The following NDUFAF6 variants were observed in gnomAD, a reference collection of about 807,000 sequenced individuals.
NDUFAF6 encodes the protein NADH:ubiquinone oxidoreductase complex assembly factor 6, also known as NADH dehydrogenase (ubiquinone) complex I, assembly factor 6.
Under a neutral mutation model 40.8 loss-of-function variants are expected in NDUFAF6, and 45 were observed. The observed-to-expected ratio is 1.10, with a 90% CI of 0.87 to 1.42. NDUFAF6 has a LOEUF of 1.42. Ranked by LOEUF, NDUFAF6 falls within the 40% of genes most tolerant of loss-of-function variation. The pLI is 0.00. For synonymous variants in NDUFAF6, 185 were observed against 155.9 expected (o/e 1.19, Z -1.39); for missense variants, 435 against 418.5 (o/e 1.04, Z -0.34).
intron 9 of NDUFAF6, among the ~76,000 whole-genome samples, chr8:95,064,038 ATTTTTT>A (rs1160777112): frequency 6.2e-3 from 653 of 104,800 alleles, no homozygotes; most frequent in African/African-American, 0.021. Context: ...CGCCTGGCTA[ATTTTTT>A]TTTTTTTTTT....
intron 2 of NDUFAF6, among the ~76,000 whole-genome samples, chr8:95,086,786 G>A (rs1809060994): frequency 6.6e-6 from 1 of 151,866 alleles, no homozygotes; most frequent in Admixed American, 6.6e-5. Context: ...TGTATTTTTA[G>A]TAGAGACGGG....
chr8:95,114,286 G>C (rs1040418206), intron 4 of NDUFAF6, among the ~76,000 whole-genome samples: 14 of 152,190 alleles, frequency 9.2e-5, no homozygotes, highest in African/African-American at 3.1e-4. Context: ...CTTAGCCAGA[G>C]GCATGGTCCC....
rs578045499 is a variant in NDUFAF6 at position 95,006,732 on chromosome 8, G to T, written c.-83-25263G>T. Reference sequence around the variant, plus strand: ...CCGTCTCTACAAAAAATACAAAAACGAGCTGGGTGTAGTGGTGCACGCCTG... The same window carrying T: ...CCGTCTCTACAAAAAATACAAAAACTAGCTGGGTGTAGTGGTGCACGCCTG... On this transcript the variant is annotated intron_variant, in intron 2 of 9. Coordinates refer to the NDUFAF6 transcript ENST00000396111. Among the ~76,000 whole-genome samples, 381 of 151,814 alleles carry T rather than the reference G, an allele frequency of 2.5e-3. 4 individuals carry two copies. The highest frequency in any genetic ancestry group is 8.8e-3 in the African/African-American group (363 of 41,422).
chr8:94,900,719 C>G (rs911663824), intron 1 of NDUFAF6, among the ~76,000 whole-genome samples: 7 of 152,082 alleles, frequency 4.6e-5, no homozygotes, highest in African/African-American at 1.7e-4. Flanking sequence ...GTTCTCTGTC[C>G]CCAGAGCTTG....
At chr8:94,941,935 T>A (rs2904888) in intron 1 of NDUFAF6, among the ~76,000 whole-genome samples, 93,720 of 151,826 alleles carry the variant, frequency 0.62, 30,067 homozygotes, top group East Asian at 0.79. Flanking sequence ...TAGGTTTTTT[T>A]CCCCCACAAA....
At chr8:94,997,220 A>G (rs1826471008) in intron 2 of NDUFAF6, among the ~76,000 whole-genome samples, 1 of 151,704 alleles carries the variant, frequency 6.6e-6, no homozygotes, top group African/African-American at 2.4e-5. Flanking sequence ...GTGCAGCCAC[A>G]GTGCAGGCAA....
chr8:95,105,960 G>T (rs1183192240), downstream of NDUFAF6, among the ~76,000 whole-genome samples: 1 of 151,960 alleles, frequency 6.6e-6, no homozygotes, highest in African/African-American at 2.4e-5. Context: ...TTAATCATAG[G>T]AACCAGAAAG....
downstream of NDUFAF6, among the ~76,000 whole-genome samples, chr8:95,080,371 G>A (rs564076741): frequency 7.1e-5 from 10 of 140,120 alleles, no homozygotes; most frequent in Non-Finnish European, 1.6e-4. Context: ...TTTTTGTAGT[G>A]TATTTTTTGT....
chr8:94,993,770 G>A (rs1435013352), intron 2 of NDUFAF6, among the ~76,000 whole-genome samples: 6 of 152,074 alleles, frequency 3.9e-5, no homozygotes, highest in African/African-American at 1.4e-4. Context: ...AAAATAATAA[G>A]AAAGAATACA....
At chr8:95,070,335 T>C (rs1297972375) in intron 9 of NDUFAF6, among the ~76,000 whole-genome samples, 4 of 152,240 alleles carry the variant, frequency 2.6e-5, no homozygotes, top group Non-Finnish European at 2.9e-5. Flanking sequence ...AAATAGTGGC[T>C]GGCACTTACT....
At chr8:95,081,782 C>A (rs1217679551) in intron 2 of NDUFAF6, among the ~76,000 whole-genome samples, 1 of 152,182 alleles carries the variant, frequency 6.6e-6, no homozygotes, top group Non-Finnish European at 1.5e-5. Flanking sequence ...TCCTGTTGGG[C>A]CGGGCGTGGT....
intron 8 of NDUFAF6, among the ~76,000 whole-genome samples, chr8:95,056,943 T>C (rs1832245111): frequency 6.6e-6 from 1 of 152,134 alleles, no homozygotes; most frequent in Admixed American, 6.5e-5. Flanking sequence ...TTGTTTGTAT[T>C]TCACTCATAT....
intron 2 of NDUFAF6, among the ~76,000 whole-genome samples, chr8:95,091,517 C>T (rs149038115): frequency 6.6e-6 from 1 of 152,052 alleles, no homozygotes; most frequent in African/African-American, 2.4e-5. Context: ...CCATATCACC[C>T]GCCATGGCTG....
intron 2 of NDUFAF6, among the ~76,000 whole-genome samples, chr8:95,094,366 TTTCTTTTCTTTCC>T (rs1809367746): frequency 7.7e-6 from 1 of 129,146 alleles, no homozygotes; most frequent in African/African-American, 2.9e-5. Context: ...CCTTCTTTCT[TTTCTTTTCTTTCC>T]TTCTTTCTTT....
chr8:94,962,607 T>C (rs979098471), intron 1 of NDUFAF6, among the ~76,000 whole-genome samples: 1 of 144,098 alleles, frequency 6.9e-6, no homozygotes, highest in African/African-American at 2.6e-5. Flanking sequence ...CTTCTGTTTT[T>C]TGTTTTTTGT....
At chr8:94,999,338 C>T (rs145020807) in intron 2 of NDUFAF6, among the ~76,000 whole-genome samples, 1 of 151,930 alleles carries the variant, frequency 6.6e-6, no homozygotes, top group African/African-American at 2.4e-5. Flanking sequence ...TGGCCAGGAT[C>T]GTCTCGATCT....
intron 1 of NDUFAF6, among the ~76,000 whole-genome samples, chr8:95,028,934 G>T (rs1182277296): frequency 6.6e-6 from 1 of 152,178 alleles, no homozygotes. Flanking sequence ...GAACCATTTT[G>T]TTCCCCAAAG....
chr8:94,917,110 C>CAAAAAAAAAA (rs35834003), intron 1 of NDUFAF6, among the ~76,000 whole-genome samples: 3 of 89,578 alleles, frequency 3.3e-5, no homozygotes, highest in Non-Finnish European at 4.4e-5. Flanking sequence ...GACTCCATCT[C>CAAAAAAAAAA]AAAAAAAAAA....
intron 1 of NDUFAF6, among the ~76,000 whole-genome samples, chr8:94,937,069 A>G (rs556645952): frequency 6.6e-6 from 1 of 152,280 alleles, no homozygotes; most frequent in African/African-American, 2.4e-5. Context: ...TACTTAACCA[A>G]TGGAAGATGC....
Sources: gnomAD v4.1 joint callset for allele counts (sites outside exome capture counted in the v4.1 genomes callset) on GRCh38, gnomAD v4.1.1 for gene constraint, MANE v1.5 for transcripts, NCBI Gene and HGNC (gene_info 2026-07-23, HGNC 2026-07-21) for gene names.